Variants in AGPAT4 observed in about 807,000 individuals in gnomAD.
The protein encoded by AGPAT4 is 1-acyl-sn-glycerol-3-phosphate acyltransferase delta.
A neutral mutation model predicts 48.0 loss-of-function variants in AGPAT4; 15 were observed. The ratio of observed to expected loss-of-function variants is 0.31; its 90% confidence interval spans 0.21 to 0.48. The LOEUF is 0.48. Among genes scored for constraint, AGPAT4 ranks in the 20% least tolerant of loss-of-function variants. The pLI is 0.99. For synonymous variants in AGPAT4, 178 were observed against 198.7 expected, an observed-to-expected ratio of 0.90 and a Z score of 0.88; for missense variants, 314 against 482.5, an observed-to-expected ratio of 0.65 and a Z score of 3.27.
intron 3 of AGPAT4, chr6:161,160,038 A>G (rs1276137343): frequency 6.6e-6 from 1 of 151,328 alleles, no homozygotes; most frequent in African/African-American, 2.4e-5. Flanking sequence ...CCAGGGTTCA[A>G]GCGATTCTCC....
rs1285567412 is a variant in AGPAT4, at chr6:161,161,153, G to C, written c.348+5095C>G. The C allele has an allele frequency of 8.8e-6, 4 of 456,592 alleles. No homozygotes were observed. Among genetic ancestry groups the C allele is most frequent in the Non-Finnish European group, 1.8e-5 (4 of 226,980 alleles). The allele number at this position is 456,592 out of a possible 1,614,324, so 28.3% of individuals were successfully genotyped here. ...TTTCAACAACCCTGGCTTTATGAGC[G>C]GTGGGATCAGACTCTGGCTTGTTAA... On this transcript the variant is annotated intron_variant, in intron 3 of 8. Coordinates refer to ENST00000320285, the MANE Select transcript of AGPAT4 (RefSeq NM_020133.3). This position sits in a 1 kb window ranked among gnomAD's most constrained non-coding sequence, Gnocchi z 4.6.
At chr6:161,193,329 A>C (rs1453751846) in intron 2 of AGPAT4, among the ~76,000 whole-genome samples, 1 of 152,180 alleles carries the variant, frequency 6.6e-6, no homozygotes, top group Non-Finnish European at 1.5e-5. Context: ...TTATTTCTAC[A>C]GGTTCTTTTG....
intron 2 of AGPAT4, among the ~76,000 whole-genome samples, chr6:161,203,221 G>A (rs934862238): frequency 3.3e-5 from 5 of 152,124 alleles, no homozygotes; most frequent in Admixed American, 1.3e-4. Flanking sequence ...TTGTCGGATT[G>A]TAAGTCTTCT....
At chr6:161,152,765 G>A (rs936371888) in intron 5 of AGPAT4, among the ~76,000 whole-genome samples, 3 of 152,308 alleles carry the variant, frequency 2.0e-5, no homozygotes, top group Admixed American at 6.5e-5. Flanking sequence ...TGGAGCCCAC[G>A]GAAAGGGCCA....
intron 1 of AGPAT4, among the ~76,000 whole-genome samples, chr6:161,241,738 T>TTTGC (rs1414985493): frequency 1.3e-5 from 2 of 152,182 alleles, no homozygotes; most frequent in African/African-American, 2.4e-5. Context: ...TGTTTTTGTT[T>TTTGC]TTGTTTGTTT....
In AGPAT4 at chr6:161,159,670, T is replaced by A. The variant is rs928158782; in HGVS notation, c.349-5360A>T. On this transcript the variant is annotated intron_variant, in intron 3 of 8. Transcript: ENST00000320285. The surrounding 1 kb of genome is among the most constrained non-coding windows in gnomAD (Gnocchi z 4.1). The stretch of plus-strand genomic sequence containing the variant: ...CCATTCTCTTTTTTTTGAGACGAAG[T>A]TTCACTCTTGTTGCCCAGGCTGGAG... 5.9e-5 allele frequency among the ~76,000 whole-genome samples: 9 copies of A among 152,186 alleles called. No homozygotes were observed. Among genetic ancestry groups the A allele is most frequent in the African/African-American group, 2.2e-4 (9 of 41,442 alleles).
intron 2 of AGPAT4, among the ~76,000 whole-genome samples, chr6:161,174,068 G>C (rs1250408314): frequency 2.0e-5 from 3 of 152,210 alleles, no homozygotes. Context: ...ACAGTTTGAA[G>C]TCAGGTAGTG....
At position 161,144,716 on chromosome 6, in the gene AGPAT4, C is replaced by T. The variant is rs113205450; in HGVS notation, c.843+1808G>A. The stretch of plus-strand genomic sequence containing the variant: ...ATTTTCGGCTGGGCACGGTGGCTCA[C>T]GCCTGTAATCCCAGCACTTTGGGAG... On this transcript the variant is annotated intron_variant, in intron 7 of 8. Coordinates refer to ENST00000320285, the MANE Select transcript of AGPAT4 (RefSeq NM_020133.3). The surrounding 1 kb of genome is among the most constrained non-coding windows in gnomAD (Gnocchi z 6.6). Among the ~76,000 whole-genome samples the T allele has an allele frequency of 2.6e-5, 4 of 152,078 alleles. No individual in the cohort carries two copies. The highest frequency in any genetic ancestry group is 6.5e-5 in the Admixed American group (1 of 15,274).
In AGPAT4 at chr6:161,233,083, G is replaced by C. The variant is rs9295143; in HGVS notation, c.-89-781C>G. The stretch of plus-strand genomic sequence containing the variant: ...CCACCACACCCTGGTCACACACACA[G>C]AGACACATAGACACACACACAAACA... On this transcript the variant is annotated intron_variant, in intron 1 of 8. Transcript: ENST00000320285. The surrounding 1 kb of genome is among the most constrained non-coding windows in gnomAD (Gnocchi z 5.4). 0.96 allele frequency among the ~76,000 whole-genome samples: 145,683 copies of C among 151,910 alleles called. 69,899 individuals are homozygous for C. The highest frequency in any genetic ancestry group is 1 in the East Asian group (5,156 of 5,162).
In AGPAT4 at chr6:161,232,788, G is replaced by A. The variant is rs920351383; in HGVS notation, c.-89-486C>T. Among the ~76,000 whole-genome samples the A allele has an allele frequency of 6.6e-5, 10 of 151,884 alleles. No homozygotes were observed. Among genetic ancestry groups the A allele is most frequent in the South Asian group, 2.1e-4 (1 of 4,798 alleles). ...TCCTCCAGATCCCTGCTCACCCCTC[G>A]CTTCCAGCAGGACTGCCCTAAAGTC... On this transcript the variant is annotated intron_variant, in intron 1 of 8. Coordinates refer to ENST00000320285, the MANE Select transcript of AGPAT4 (RefSeq NM_020133.3). The surrounding 1 kb of genome is among the most constrained non-coding windows in gnomAD (Gnocchi z 6.8).
rs760689701 is a variant in AGPAT4, at chr6:161,196,265, G to A, written c.179-29848C>T. ...AAGCCAGGAACTGGAGAGGCTAGGG[G>A]CTGGAGGGAAATCTGCAGAAAAGGT... On this transcript the variant is annotated intron_variant, in intron 2 of 8. Coordinates refer to ENST00000320285, the MANE Select transcript of AGPAT4 (RefSeq NM_020133.3). The surrounding 1 kb of genome is among the most constrained non-coding windows in gnomAD (Gnocchi z 4.3). Among the ~76,000 whole-genome samples, 30 of 152,288 alleles carry A rather than the reference G, an allele frequency of 2.0e-4. No individual in the cohort carries two copies. Among genetic ancestry groups the A allele is most frequent in the Admixed American group, 3.9e-4 (6 of 15,294 alleles).
rs1186766914 is a variant in AGPAT4 at position 161,219,900 on chromosome 6, CAGGCAGGCAGGCAGGCGGCA to C, written c.178+12116_178+12135del. 5.6e-3 allele frequency among the ~76,000 whole-genome samples: 772 copies of C among 139,026 alleles called. 13 individuals are homozygous for C. Among genetic ancestry groups the C allele is most frequent in the African/African-American group, 0.021 (711 of 34,078 alleles). The allele number at this position is 139,026 out of a possible 152,430, so 91.2% of individuals were successfully genotyped here. ...GCAGGCAGGCAGGCAGGCAGGCAGG[CAGGCAGGCAGGCAGGCGGCA>C]GGCAGGCAGGCAGGCAGGCAGGCAG... On this transcript the variant is annotated intron_variant, in intron 2 of 8. Transcript: ENST00000320285. This position sits in a 1 kb window ranked among gnomAD's most constrained non-coding sequence, Gnocchi z 4.9.
chr6:161,256,965 C>T (rs898781013), intron 1 of AGPAT4, among the ~76,000 whole-genome samples: 2 of 152,180 alleles, frequency 1.3e-5, no homozygotes, highest in African/African-American at 2.4e-5. Flanking sequence ...ACGCCTGTTG[C>T]GAGCTCCCTG....
At position 161,166,128 on chromosome 6, in the gene AGPAT4, C is replaced by T. The variant is rs1780089273; in HGVS notation, c.348+120G>A. The T allele has an allele frequency of 7.5e-7, 1 of 1,339,792 alleles. No homozygotes were observed. Among genetic ancestry groups the T allele is most frequent in the Non-Finnish European group, 1.0e-6 (1 of 972,642 alleles). 83.0% of individuals were successfully genotyped at this position (1,339,792 alleles called of 1,614,324 possible). On this transcript the variant is annotated intron_variant, in intron 3 of 8. Transcript: ENST00000320285. The surrounding 1 kb of genome is among the most constrained non-coding windows in gnomAD (Gnocchi z 6.7). ...AAAAAGCAGTTTATTAGGACCATTT[C>T]ATCAAGTAGAAACTCTGTTGATTCT...
At position 161,139,754 on chromosome 6, in the gene AGPAT4, T is replaced by C. The variant is rs1779190069; in HGVS notation, c.844-134A>G. 1.4e-6 allele frequency: 1 copy of C among 723,004 alleles called. No homozygotes were observed. The highest frequency in any genetic ancestry group is 1.9e-5 in the South Asian group (1 of 52,324). 44.8% of individuals were successfully genotyped at this position (723,004 alleles called of 1,614,324 possible). On this transcript the variant is annotated intron_variant, in intron 7 of 8. Coordinates refer to ENST00000320285, the MANE Select transcript of AGPAT4 (RefSeq NM_020133.3). The surrounding 1 kb of genome is among the most constrained non-coding windows in gnomAD (Gnocchi z 9.1). ...GCTCGGCAGAACTGGGGTCTGCAGC[T>C]CCTTCCAGAAAGCACTTTGTAGGCA... is the stretch of plus-strand genomic sequence containing the variant.
intron 2 of AGPAT4, among the ~76,000 whole-genome samples, chr6:161,168,677 T>C (rs1463654125): frequency 6.6e-6 from 1 of 152,270 alleles, no homozygotes; most frequent in East Asian, 1.9e-4. Context: ...CAGGAGATGA[T>C]TAAACATTAG....
chr6:161,165,599 A>G lies in AGPAT4; in HGVS notation c.348+649T>C, dbSNP rs2114979120. 2.3e-6 allele frequency: 3 copies of G among 1,300,660 alleles called. No homozygotes were observed. The highest frequency in any genetic ancestry group is 2.3e-5 in the Admixed American group (1 of 43,020). The allele number at this position is 1,300,660 out of a possible 1,614,324, so 80.6% of individuals were successfully genotyped here. The stretch of plus-strand genomic sequence containing the variant: ...TACCTGAGTACCGCAGATGACTCTG[A>G]TTCAGCTATGTGACACAGGCTCAAC... On this transcript the variant is annotated intron_variant, in intron 3 of 8. Coordinates refer to ENST00000320285, the MANE Select transcript of AGPAT4 (RefSeq NM_020133.3). This position sits in a 1 kb window ranked among gnomAD's most constrained non-coding sequence, Gnocchi z 5.5.
rs1782539486 is a variant in AGPAT4 at position 161,243,074 on chromosome 6, T to C, written c.-89-10772A>G. 1.3e-5 allele frequency among the ~76,000 whole-genome samples: 2 copies of C among 152,058 alleles called. No individual in the cohort carries two copies. The highest frequency in any genetic ancestry group is 4.8e-5 in the African/African-American group (2 of 41,380). On this transcript the variant is annotated intron_variant, in intron 1 of 8. Coordinates refer to ENST00000320285, the MANE Select transcript of AGPAT4 (RefSeq NM_020133.3). This position sits in a 1 kb window ranked among gnomAD's most constrained non-coding sequence, Gnocchi z 4.8. ...CCAGACTCTGTCTCAAAAAAATTTT[T>C]TTTTAATTTAAAAAAAAATGAAACT... is the stretch of plus-strand genomic sequence containing the variant.
At chr6:161,136,946 C>G (rs775250076) in intron 8 of AGPAT4, among the ~76,000 whole-genome samples, 1 of 152,188 alleles carries the variant, frequency 6.6e-6, no homozygotes, top group African/African-American at 2.4e-5. Flanking sequence ...CTCTGCTGAC[C>G]CCCAGGTAAA....
Sources: allele counts gnomAD v4.1 joint callset (sites outside exome capture counted in the v4.1 genomes callset), GRCh38; gene constraint gnomAD v4.1.1; non-coding constraint Gnocchi (gnomAD v3.1); transcripts MANE v1.5; gene names NCBI Gene and HGNC (gene_info 2026-07-23, HGNC 2026-07-21).